Variants in LRRIQ3 observed in about 807,000 individuals in gnomAD.
LRRIQ3 encodes leucine rich repeats and IQ motif containing 3, also known as leucine-rich repeat and IQ domain-containing protein 3.
In LRRIQ3, 75 loss-of-function variants were observed where a neutral mutation model predicts 59.3. The observed-to-expected ratio is 1.26, with a 90% CI of 1.05 to 1.53. The LOEUF (loss-of-function observed/expected upper bound fraction) is 1.53. Ranked by LOEUF, LRRIQ3 falls within the 40% of genes most tolerant of loss-of-function variation. The pLI, the probability that LRRIQ3 is intolerant of heterozygous loss-of-function variation, is 0.00. For missense variants in LRRIQ3, 831 were observed against 710.0 expected (o/e 1.17, Z -1.94); for synonymous variants, 250 against 231.3 (o/e 1.08, Z -0.73).
chr1:74,173,548 T>G (rs1456049928), intron 3 of LRRIQ3, among the ~76,000 whole-genome samples: 1 of 152,042 alleles, frequency 6.6e-6, no homozygotes, highest in Non-Finnish European at 1.5e-5. Flanking sequence ...ATGAGGTTTG[T>G]ATCAAACCTC....
At position 74,026,455 on chromosome 1, in the gene LRRIQ3, A is replaced by T. The variant is rs1569984320; in HGVS notation, c.*358T>A. 1 of 158,412 alleles carries T rather than the reference A, an allele frequency of 6.3e-6. No homozygotes were observed. Among genetic ancestry groups the T allele is most frequent in the Non-Finnish European group, 1.4e-5 (1 of 72,486 alleles). The allele number at this position is 158,412 out of a possible 1,614,324, so 9.8% of individuals were successfully genotyped here. A position where few individuals can be genotyped will look rare whatever the true frequency, so the allele number is the denominator to read the frequency against. On this transcript the variant is annotated 3_prime_UTR_variant, in exon 8 of 8. Coordinates refer to ENST00000354431, the MANE Select transcript of LRRIQ3 (RefSeq NM_001105659.2). ...AAAGTCAGCAGTTGGAGTAGAAATTACTATTCTAAGGTTTCCAGAAAAACC... is the reference window on the plus strand; with the variant it reads ...AAAGTCAGCAGTTGGAGTAGAAATTTCTATTCTAAGGTTTCCAGAAAAACC...
intron 3 of LRRIQ3, among the ~76,000 whole-genome samples, chr1:74,176,946 C>A (rs1386503011): frequency 6.6e-6 from 1 of 152,116 alleles, no homozygotes; most frequent in African/African-American, 2.4e-5. Context: ...GGTCTAAACT[C>A]CCCACCCAGA....
At chr1:74,097,602 G>C (rs528609424) in intron 5 of LRRIQ3, among the ~76,000 whole-genome samples, 1 of 152,200 alleles carries the variant, frequency 6.6e-6, no homozygotes, top group Non-Finnish European at 1.5e-5. Flanking sequence ...ACACATAATT[G>C]TCAGATTCAA....
At chr1:74,180,917 CT>C (rs1649938945) in intron 3 of LRRIQ3, 1 of 831,286 alleles carries the variant, frequency 1.2e-6, no homozygotes, top group Non-Finnish European at 1.8e-6. Flanking sequence ...ACTTTCTTTT[CT>C]TTAGCAACTA....
At chr1:74,059,236 A>G (rs1224830724) in intron 6 of LRRIQ3, among the ~76,000 whole-genome samples, 1 of 151,430 alleles carries the variant, frequency 6.6e-6, no homozygotes, top group African/African-American at 2.4e-5. Context: ...TTCTATCTGT[A>G]TTTATTTGCT....
At chr1:74,050,006 C>T (rs966719271) in intron 6 of LRRIQ3, among the ~76,000 whole-genome samples, 5 of 151,294 alleles carry the variant, frequency 3.3e-5, no homozygotes, top group African/African-American at 9.7e-5. Flanking sequence ...TCACTGCAAC[C>T]TCCGCCTCCC....
chr1:74,031,938 G>T (rs1207939751), intron 7 of LRRIQ3, among the ~76,000 whole-genome samples: 4 of 151,748 alleles, frequency 2.6e-5, no homozygotes, highest in Non-Finnish European at 4.4e-5. Context: ...GATAGGCAAG[G>T]TCTATACCTA....
At chr1:74,146,169 G>T (rs919180023) in intron 4 of LRRIQ3, among the ~76,000 whole-genome samples, 1 of 151,982 alleles carries the variant, frequency 6.6e-6, no homozygotes. Flanking sequence ...CTCTCTATGG[G>T]TTCACACAAT....
At chr1:74,148,618 CT>C in intron 4 of LRRIQ3, among the ~76,000 whole-genome samples, 1 of 152,268 alleles carries the variant, frequency 6.6e-6, no homozygotes, top group Middle Eastern at 3.4e-3. Flanking sequence ...CTTGAGGAAC[CT>C]TCACTTGTTC....
chr1:74,156,578 G>A (rs1331513167), intron 3 of LRRIQ3, among the ~76,000 whole-genome samples: 2 of 151,894 alleles, frequency 1.3e-5, no homozygotes, highest in African/African-American at 4.8e-5. Flanking sequence ...TAATCATTCT[G>A]CTCTCTAAAT....
Position 74,183,537 on chromosome 1 carries a change from T to G in LRRIQ3, c.148A>C (p.Ile50Leu), listed in dbSNP as rs745682972. ...LKSMENLQSC[I>L]SLRVCIFSNN... is the part of the protein sequence containing the mutation. ...GAGAAGATGCATACTCTAAGAGAGA[T>G]GCAAGACTGCAAATTTTCCATAGAC... Residue 50 changes from isoleucine to leucine, a missense_variant, in exon 2 of 8, where the codon ATC becomes CTC. Ile to Leu is a conservative substitution (Grantham distance 5, BLOSUM62 2). Transcript: ENST00000354431. 1.9e-6 allele frequency: 3 copies of G among 1,612,178 alleles called. No homozygotes were observed. The highest frequency in any genetic ancestry group is 2.7e-5 in the African/African-American group (2 of 74,882).
At position 74,084,606 on chromosome 1, in the gene LRRIQ3, A is replaced by C. The variant is rs969278531; in HGVS notation, c.868-9816T>G. Among the ~76,000 whole-genome samples, 4 of 151,512 alleles carry C rather than the reference A, an allele frequency of 2.6e-5. No homozygotes were observed. In the East Asian group the frequency reaches 7.7e-4, roughly 29 times the overall value. Reference sequence around the variant, plus strand: ...ACAAAAAGTGCAGATCTTATGTAAAACTCCAATGCTGTCTCTCTAGTAGTA... The same window carrying C: ...ACAAAAAGTGCAGATCTTATGTAAACCTCCAATGCTGTCTCTCTAGTAGTA... On this transcript the variant is annotated intron_variant, in intron 5 of 7. Transcript: ENST00000354431.
At chr1:74,185,501 T>C (rs1345884421) in intron 1 of LRRIQ3, among the ~76,000 whole-genome samples, 1 of 152,204 alleles carries the variant, frequency 6.6e-6, no homozygotes, top group Non-Finnish European at 1.5e-5. Context: ...TGTGGTATTG[T>C]GTTATTGTTG....
chr1:74,054,080 A>G (rs1654451173), intron 6 of LRRIQ3, among the ~76,000 whole-genome samples: 1 of 152,216 alleles, frequency 6.6e-6, no homozygotes, highest in African/African-American at 2.4e-5. Flanking sequence ...GGATATTTAT[A>G]TTTAATAGCA....
chr1:74,033,821 T>C (rs755346324), intron 7 of LRRIQ3, among the ~76,000 whole-genome samples: 4 of 151,948 alleles, frequency 2.6e-5, no homozygotes, highest in Non-Finnish European at 5.9e-5. Context: ...GATGATGTAA[T>C]TGAAAAACCA....
chr1:74,079,841 A>G (rs911885444), intron 5 of LRRIQ3, among the ~76,000 whole-genome samples: 3 of 151,786 alleles, frequency 2.0e-5, no homozygotes, highest in African/African-American at 7.2e-5. Context: ...TAATTTTAAA[A>G]GAAACGTATA....
At chr1:74,099,082 C>CA (rs909403970) in intron 5 of LRRIQ3, among the ~76,000 whole-genome samples, 15 of 151,508 alleles carry the variant, frequency 9.9e-5, no homozygotes, top group Non-Finnish European at 1.9e-4. Context: ...GATAGAGACA[C>CA]AAAAAAAACC....
intron 1 of LRRIQ3, among the ~76,000 whole-genome samples, 160 bp from the exon 2 acceptor site, chr1:74,183,844 T>C (rs1346858745): frequency 6.6e-6 from 1 of 151,980 alleles, no homozygotes; most frequent in Admixed American, 6.5e-5. Context: ...CCAAAATAAC[T>C]TAAATATCTA....
chr1:74,146,697 A>C (rs2100648651), intron 4 of LRRIQ3, among the ~76,000 whole-genome samples: 1 of 152,308 alleles, frequency 6.6e-6, no homozygotes, highest in South Asian at 2.1e-4. Context: ...TGTGTCTATA[A>C]CTTACAAGTT....
Sources: allele counts gnomAD v4.1 joint callset (sites outside exome capture counted in the v4.1 genomes callset), GRCh38; gene constraint gnomAD v4.1.1; transcripts MANE v1.5; gene names NCBI Gene and HGNC (gene_info 2026-07-23, HGNC 2026-07-21).